Variants in CSMD3 observed in about 807,000 individuals in gnomAD.
CSMD3 encodes the protein CUB and Sushi multiple domains 3.
In CSMD3, 177 loss-of-function variants were observed where a neutral mutation model predicts 435.2. The observed-to-expected ratio is 0.41, with a 90% CI of 0.36 to 0.46. CSMD3 has a LOEUF of 0.46. CSMD3 is among the 20% of genes least tolerant of loss of function. The pLI is 0.34. For synonymous variants in CSMD3, 1,656 were observed against 1,520.5 expected (o/e 1.09, Z -2.07); for missense variants, 4,265 against 4,504.6 (o/e 0.95, Z 1.52).
intron 4 of CSMD3, among the ~76,000 whole-genome samples, chr8:113,154,106 C>T (rs373035378): frequency 2.0e-4 from 30 of 151,944 alleles, no homozygotes; most frequent in Middle Eastern, 3.4e-3. Flanking sequence ...TGTGTTTTCA[C>T]GTAATTTAAA....
At chr8:112,537,108 A>G (rs1335931210) in intron 27 of CSMD3, among the ~76,000 whole-genome samples, 1 of 152,064 alleles carries the variant, frequency 6.6e-6, no homozygotes, top group Non-Finnish European at 1.5e-5. Flanking sequence ...AGCATGGCAC[A>G]TGTATACATA....
chr8:112,290,770 T>C (rs969447335), intron 56 of CSMD3, among the ~76,000 whole-genome samples: 2 of 152,056 alleles, frequency 1.3e-5, no homozygotes, highest in Admixed American at 1.3e-4. Context: ...TGTTCTTCTC[T>C]TCCCTGTCAA....
chr8:113,080,139 T>A (rs889848284), intron 5 of CSMD3, among the ~76,000 whole-genome samples: 1 of 152,166 alleles, frequency 6.6e-6, no homozygotes, highest in Non-Finnish European at 1.5e-5. Flanking sequence ...TACTGAGTGA[T>A]GTTTGATGAG....
chr8:113,388,553 G>A (rs1329076724), intron 1 of CSMD3, among the ~76,000 whole-genome samples: 1 of 151,380 alleles, frequency 6.6e-6, no homozygotes, highest in Non-Finnish European at 1.5e-5. Flanking sequence ...ATTTTTGTTT[G>A]CAGCAATTAA....
intron 27 of CSMD3, among the ~76,000 whole-genome samples, chr8:112,521,982 G>C (rs1423715161): frequency 6.6e-6 from 1 of 151,624 alleles, no homozygotes; most frequent in Non-Finnish European, 1.5e-5. Flanking sequence ...ATAAGAAATA[G>C]AGTGAACATT....
chr8:113,080,390 A>C (rs2089512039), intron 5 of CSMD3, among the ~76,000 whole-genome samples: 1 of 152,196 alleles, frequency 6.6e-6, no homozygotes, highest in Admixed American at 6.5e-5. Context: ...TTCAATAATT[A>C]TTTCAATTCA....
chr8:113,247,815 T>C (rs1360721110), intron 3 of CSMD3, among the ~76,000 whole-genome samples: 4 of 152,108 alleles, frequency 2.6e-5, no homozygotes, highest in African/African-American at 7.2e-5. Context: ...CTTAATTAAA[T>C]CAATATTTAA....
chr8:112,732,233 C>T (rs1358547344), intron 13 of CSMD3, among the ~76,000 whole-genome samples: 2 of 152,030 alleles, frequency 1.3e-5, no homozygotes, highest in East Asian at 1.9e-4. Flanking sequence ...CTTCAAGATG[C>T]TAAGGAAGTA....
At chr8:112,264,304 A>C (rs993892413) in intron 60 of CSMD3, among the ~76,000 whole-genome samples, 1 of 152,186 alleles carries the variant, frequency 6.6e-6, no homozygotes, top group Non-Finnish European at 1.5e-5. Flanking sequence ...TTAACCACTT[A>C]GATTCATATG....
intron 13 of CSMD3, among the ~76,000 whole-genome samples, chr8:112,794,285 C>CTTTTTTTT (rs1203991072): frequency 3.1e-5 from 3 of 96,302 alleles, no homozygotes; most frequent in African/African-American, 3.9e-5. Context: ...GACTGATAAA[C>CTTTTTTTT]TTTTTTTTTT....
intron 5 of CSMD3, among the ~76,000 whole-genome samples, chr8:113,052,782 A>G (rs1030766477): frequency 1.3e-5 from 2 of 152,210 alleles, no homozygotes; most frequent in African/African-American, 4.8e-5. Flanking sequence ...TCTTAAAAAG[A>G]TAATAGTGAC....
In CSMD3 at chr8:113,083,789, G is replaced by T. The variant is rs146707135; in HGVS notation, c.917+14967C>A. The stretch of plus-strand genomic sequence containing the variant: ...AGTTCAAGGTCAGCCTGTGCAATGT[G>T]GTCAGACTCTGTCTCTATAAAACAT... On this transcript the variant is annotated intron_variant, in intron 5 of 70. Transcript: ENST00000297405. Among the ~76,000 whole-genome samples, 707 of 152,146 alleles carry T rather than the reference G, an allele frequency of 4.6e-3. 5 individuals carry two copies. Among genetic ancestry groups the T allele is most frequent in the African/African-American group, 0.015 (617 of 41,526 alleles).
At chr8:112,422,902 A>G (rs1812669222) in intron 32 of CSMD3, among the ~76,000 whole-genome samples, 1 of 152,222 alleles carries the variant, frequency 6.6e-6, no homozygotes, top group South Asian at 2.1e-4. Context: ...GGATGATAGA[A>G]TATCAATGTG....
chr8:112,739,683 G>A (rs941085405), intron 13 of CSMD3, among the ~76,000 whole-genome samples: 1 of 151,694 alleles, frequency 6.6e-6, no homozygotes, highest in Non-Finnish European at 1.5e-5. Context: ...TACAGTTAGA[G>A]CACACTCATA....
intron 3 of CSMD3, among the ~76,000 whole-genome samples, chr8:113,201,986 A>G (rs769797665): frequency 3.0e-4 from 45 of 152,240 alleles, no homozygotes; most frequent in African/African-American, 1.0e-3. Context: ...AGTATGCCAC[A>G]TGTTCTGTTA....
chr8:113,276,003 G>T (rs889087199), intron 3 of CSMD3, among the ~76,000 whole-genome samples: 2 of 152,008 alleles, frequency 1.3e-5, no homozygotes, highest in Non-Finnish European at 2.9e-5. Flanking sequence ...GACAGATTTT[G>T]TAATTCCAAG....
chr8:112,774,988 T>C (rs141094138), intron 13 of CSMD3, among the ~76,000 whole-genome samples: 15 of 152,088 alleles, frequency 9.9e-5, no homozygotes, highest in South Asian at 4.1e-4. Flanking sequence ...TAAGTACTTA[T>C]AGATAGGCCT....
intron 4 of CSMD3, among the ~76,000 whole-genome samples, chr8:113,144,459 C>T (rs1256848767): frequency 1.3e-5 from 2 of 151,508 alleles, no homozygotes; most frequent in Non-Finnish European, 3.0e-5. Flanking sequence ...TAAAGATGCA[C>T]AGATTTATAA....
At chr8:112,351,128 T>C in intron 40 of CSMD3, 47 bp downstream of exon 40, 1 of 1,155,528 alleles carries the variant, frequency 8.7e-7, no homozygotes, top group Non-Finnish European at 1.3e-6. Flanking sequence ...GTCTTTTTTT[T>C]TACACTTTAA....
Sources: allele counts gnomAD v4.1 joint callset (sites outside exome capture counted in the v4.1 genomes callset), GRCh38; gene constraint gnomAD v4.1.1; transcripts MANE v1.5; gene names NCBI Gene and HGNC (gene_info 2026-07-23, HGNC 2026-07-21).